STRBP: variants seen among roughly 807,000 people sequenced by gnomAD.
STRBP encodes the protein spermatid perinuclear RNA binding protein, also known as spermatid perinuclear RNA-binding protein.
A neutral mutation model predicts 80.1 loss-of-function variants in STRBP; 13 were observed. That is an observed-to-expected ratio of 0.16 (90% CI 0.11 to 0.26). The LOEUF (loss-of-function observed/expected upper bound fraction) is 0.26. STRBP is among the 10% of genes least tolerant of loss of function. The pLI is 1.00. For missense variants in STRBP, 485 were observed against 815.2 expected, an observed-to-expected ratio of 0.59 and a Z score of 4.93; for synonymous variants, 284 against 291.2, an observed-to-expected ratio of 0.98 and a Z score of 0.25.
At chr9:123,132,731 C>A in intron 17 of STRBP, 114 bp downstream of exon 17, 2 of 1,397,258 alleles carry the variant, frequency 1.4e-6, no homozygotes, top group Non-Finnish European at 9.7e-7. Flanking sequence ...TGTGTACATT[C>A]ATGCCTGTGT....
intron 1 of STRBP, among the ~76,000 whole-genome samples, chr9:123,241,347 A>AT (rs1174926605): frequency 6.6e-6 from 1 of 151,550 alleles, no homozygotes; most frequent in Non-Finnish European, 1.5e-5. Context: ...ACAAAAAAGA[A>AT]TTTTTTTCAA....
At chr9:123,200,539 C>A (rs775674307) in intron 2 of STRBP, among the ~76,000 whole-genome samples, 29 of 150,518 alleles carry the variant, frequency 1.9e-4, no homozygotes, top group Non-Finnish European at 4.1e-4. Context: ...TTCATCTGAT[C>A]CTGGGCTTTT....
intron 11 of STRBP, among the ~76,000 whole-genome samples, chr9:123,155,589 G>A (rs1200642671): frequency 6.6e-6 from 1 of 152,034 alleles, no homozygotes; most frequent in Non-Finnish European, 1.5e-5. Flanking sequence ...CAATGGTACT[G>A]GAAAAAATGA....
At chr9:123,204,546 AG>A (rs1287066818) in intron 2 of STRBP, among the ~76,000 whole-genome samples, 1 of 152,236 alleles carries the variant, frequency 6.6e-6, no homozygotes, top group East Asian at 1.9e-4. Context: ...AGAGGTCATC[AG>A]ACTATTTTTA....
chr9:123,201,806 TTA>T (rs2039334659), intron 2 of STRBP, among the ~76,000 whole-genome samples: 1 of 152,244 alleles, frequency 6.6e-6, no homozygotes, highest in South Asian at 2.1e-4. Flanking sequence ...CAGTTGACTT[TTA>T]GTCTCAAAGA....
intron 3 of STRBP, chr9:123,113,861 A>G (rs992629371): frequency 6.0e-6 from 1 of 167,124 alleles, no homozygotes; most frequent in African/African-American, 2.4e-5. Flanking sequence ...GAACACAGCC[A>G]TGCTATCTAT....
intron 1 of STRBP, among the ~76,000 whole-genome samples, chr9:123,242,179 T>C (rs894578911): frequency 1.3e-5 from 2 of 152,152 alleles, no homozygotes; most frequent in South Asian, 4.1e-4. Flanking sequence ...ACCCCACTAT[T>C]TCAAGGTCAA....
chr9:123,175,234 T>C (rs2038170904), intron 4 of STRBP, among the ~76,000 whole-genome samples: 1 of 152,180 alleles, frequency 6.6e-6, no homozygotes, highest in African/African-American at 2.4e-5. Flanking sequence ...CATTATATGA[T>C]TGCTTCCCAA....
chr9:123,117,662 C>T (rs533288809), downstream of STRBP, among the ~76,000 whole-genome samples: 67 of 152,356 alleles, frequency 4.4e-4, 1 homozygote, highest in South Asian at 0.013. Context: ...CCCCCTTGCA[C>T]TTACACCTCA....
chr9:123,204,761 CA>C (rs1033096360), intron 2 of STRBP, among the ~76,000 whole-genome samples: 7 of 148,202 alleles, frequency 4.7e-5, no homozygotes, highest in African/African-American at 1.7e-4. Context: ...ACTAAAAATA[CA>C]GAAAAAAAAA....
chr9:123,147,937 C>A, intron 11 of STRBP, 67 bp from the exon 12 acceptor site: 1 of 1,318,036 alleles, frequency 7.6e-7, no homozygotes, highest in Non-Finnish European at 1.1e-6. Context: ...CCATATGTAT[C>A]TAACATGTTC....
intron 11 of STRBP, among the ~76,000 whole-genome samples, chr9:123,148,958 T>C (rs1319819044): frequency 6.6e-6 from 1 of 152,202 alleles, no homozygotes; most frequent in Non-Finnish European, 1.5e-5. Context: ...CACCAATTTA[T>C]AATGTTGTCA....
chr9:123,230,671 G>A (rs1442490972), intron 2 of STRBP, among the ~76,000 whole-genome samples: 3 of 152,134 alleles, frequency 2.0e-5, no homozygotes, highest in Non-Finnish European at 2.9e-5. Flanking sequence ...AGACACTGTA[G>A]GTGATGAGGC....
chr9:123,198,695 C>G (rs1391112027), intron 2 of STRBP, among the ~76,000 whole-genome samples: 1 of 152,110 alleles, frequency 6.6e-6, no homozygotes, highest in African/African-American at 2.4e-5. Flanking sequence ...AAGAATTTTT[C>G]CAACATTACC....
At chr9:123,227,482 G>T (rs1464441212) in intron 2 of STRBP, among the ~76,000 whole-genome samples, 1 of 151,858 alleles carries the variant, frequency 6.6e-6, no homozygotes, top group Admixed American at 6.6e-5. Context: ...GGCTGTTACT[G>T]AGTGAAACAG....
chr9:123,144,565 G>T (rs940138023), intron 13 of STRBP, among the ~76,000 whole-genome samples: 3 of 152,086 alleles, frequency 2.0e-5, no homozygotes, highest in African/African-American at 7.2e-5. Context: ...AGTTAGAATT[G>T]CAAGTTAAAA....
chr9:123,161,813 C>T (rs1396532829), intron 6 of STRBP, among the ~76,000 whole-genome samples: 1 of 152,090 alleles, frequency 6.6e-6, no homozygotes, highest in African/African-American at 2.4e-5. Flanking sequence ...TTAAATGGCC[C>T]AAAGCAGCAA....
At chr9:123,202,562 G>A (rs2039364888) in intron 2 of STRBP, among the ~76,000 whole-genome samples, 1 of 152,184 alleles carries the variant, frequency 6.6e-6, no homozygotes, top group Non-Finnish European at 1.5e-5. Context: ...TAAGGTTTCT[G>A]CTGAGAAGTC....
intron 9 of STRBP, among the ~76,000 whole-genome samples, 156 bp from the exon 10 acceptor site, chr9:123,158,585 G>C (rs139763360): frequency 1.3e-3 from 191 of 152,070 alleles, no homozygotes; most frequent in African/African-American, 4.2e-3. Flanking sequence ...GAGTAAAAAG[G>C]ACACACTCTC....
Sources: gnomAD v4.1 joint callset for allele counts (sites outside exome capture counted in the v4.1 genomes callset) on GRCh38, gnomAD v4.1.1 for gene constraint, MANE v1.5 for transcripts, NCBI Gene and HGNC (gene_info 2026-07-23, HGNC 2026-07-21) for gene names.